The following MYO16 variants were observed in gnomAD, a reference collection of about 807,000 sequenced individuals.
MYO16 encodes myosin XVI, also known as unconventional myosin-XVI.
A neutral mutation model predicts 205.3 loss-of-function variants in MYO16; 94 were observed. The ratio of observed to expected loss-of-function variants is 0.46; its 90% CI spans 0.39 to 0.54. MYO16 has a LOEUF of 0.54. Among genes scored for constraint, MYO16 ranks in the 20% least tolerant of loss-of-function variants. The pLI is 0.00. For synonymous variants in MYO16, 988 were observed against 954.0 expected (o/e 1.04, Z -0.66); for missense variants, 2,315 against 2,387.5 (o/e 0.97, Z 0.63).
At chr13:109,110,456 CT>C (rs879434723) in intron 28 of MYO16, among the ~76,000 whole-genome samples, 14 of 152,146 alleles carry the variant, frequency 9.2e-5, no homozygotes, top group Non-Finnish European at 1.9e-4. Flanking sequence ...TTTTCTTAAA[CT>C]ATAATTATAT....
chr13:108,555,500 A>T, the MYO16 span, among the ~76,000 whole-genome samples: 2 of 152,210 alleles, frequency 1.3e-5, no homozygotes, highest in African/African-American at 4.8e-5. Flanking sequence ...TTTTTCGTTG[A>T]TGAGAAAAGC....
chr13:108,874,690 CATCATCATT>C (rs1361705069), intron 12 of MYO16, among the ~76,000 whole-genome samples: 1,923 of 96,908 alleles, frequency 0.02, 29 homozygotes, highest in African/African-American at 0.056. Flanking sequence ...ACAGTTTCAT[CATCATCATT>C]ATTATTATTA....
intron 6 of MYO16, among the ~76,000 whole-genome samples, chr13:108,798,637 A>G (rs72652131): frequency 1.9e-3 from 275 of 142,988 alleles, no homozygotes; most frequent in Non-Finnish European, 2.7e-3. Flanking sequence ...TTGTTTTATT[A>G]TTTACTGTGT....
intron 33 of MYO16, among the ~76,000 whole-genome samples, chr13:109,175,422 A>G (rs1441913761): frequency 6.6e-6 from 1 of 152,216 alleles, no homozygotes; most frequent in African/African-American, 2.4e-5. Flanking sequence ...CATGGAGATC[A>G]GCTTTGGGGA....
intron 34 of MYO16, among the ~76,000 whole-genome samples, chr13:109,188,341 TCCTCCCC>T (rs1879771155): frequency 6.6e-6 from 1 of 152,196 alleles, no homozygotes. Context: ...ACTTTTTGCC[TCCTCCCC>T]ACAAAAAATT....
chr13:109,155,040 A>G (rs1199149837), intron 32 of MYO16, among the ~76,000 whole-genome samples: 1 of 152,114 alleles, frequency 6.6e-6, no homozygotes, highest in African/African-American at 2.4e-5. Context: ...GTTAAATTTA[A>G]AAGGAAATTG....
At chr13:108,989,298 A>G (rs139428480) in intron 20 of MYO16, among the ~76,000 whole-genome samples, 31 of 152,242 alleles carry the variant, frequency 2.0e-4, no homozygotes, top group African/African-American at 7.2e-4. Context: ...AACATTTCCT[A>G]TGTTTTCATA....
intron 4 of MYO16, among the ~76,000 whole-genome samples, chr13:108,730,454 T>C (rs1336491901): frequency 2.6e-5 from 4 of 152,144 alleles, no homozygotes; most frequent in South Asian, 2.1e-4. Flanking sequence ...CTAACATTTA[T>C]AGTCTAGAGG....
chr13:108,976,121 G>T (rs942193775), intron 20 of MYO16, among the ~76,000 whole-genome samples: 6 of 152,084 alleles, frequency 3.9e-5, no homozygotes, highest in African/African-American at 1.4e-4. Flanking sequence ...AGAGCAATAA[G>T]AAAACATCTA....
intron 4 of MYO16, among the ~76,000 whole-genome samples, chr13:108,772,930 A>G (rs1174219773): frequency 1.3e-5 from 2 of 152,180 alleles, no homozygotes; most frequent in African/African-American, 4.8e-5. Context: ...CTGTTATAAC[A>G]AAACACTATA....
intron 4 of MYO16, among the ~76,000 whole-genome samples, chr13:108,745,029 T>C (rs904865317): frequency 2.6e-5 from 4 of 152,202 alleles, no homozygotes; most frequent in African/African-American, 9.6e-5. Context: ...AAAATAAATC[T>C]GTAAGATTTC....
intron 4 of MYO16, among the ~76,000 whole-genome samples, chr13:108,750,991 T>C (rs953022741): frequency 6.6e-6 from 1 of 152,068 alleles, no homozygotes; most frequent in Non-Finnish European, 1.5e-5. Context: ...GAACTCATGT[T>C]TAGCTTAATA....
chr13:108,516,565 A>G, the MYO16 span, among the ~76,000 whole-genome samples: 2 of 152,240 alleles, frequency 1.3e-5, no homozygotes, highest in Admixed American at 6.5e-5. Flanking sequence ...CACACAGAGA[A>G]AAATGCAGGT....
intron 32 of MYO16, among the ~76,000 whole-genome samples, chr13:109,163,139 A>G (rs927088303): frequency 4.2e-5 from 6 of 142,142 alleles, no homozygotes; most frequent in Admixed American, 2.9e-4. Context: ...TTTCCTGCTC[A>G]TAAATCTTGA....
chr13:108,851,725 G>A (rs1216734340), intron 10 of MYO16, among the ~76,000 whole-genome samples: 1 of 151,912 alleles, frequency 6.6e-6, no homozygotes, highest in Non-Finnish European at 1.5e-5. Flanking sequence ...CCTCTTCCTT[G>A]GGCCACCTTT....
Position 109,068,257 on chromosome 13 carries a change from A to G in MYO16, c.3335+12662A>G, listed in dbSNP as rs143623977. ...CAGAGGGAAACAACTGTTTCTTTGCAAGCAGTTTGTTCACAAGTTTTCTTC... is the reference window on the plus strand; with the variant it reads ...CAGAGGGAAACAACTGTTTCTTTGCGAGCAGTTTGTTCACAAGTTTTCTTC... On this transcript the variant is annotated intron_variant, in intron 27 of 34. Transcript: ENST00000457511. Among the ~76,000 whole-genome samples the G allele has an allele frequency of 9.4e-3, 1,438 of 152,294 alleles. 24 individuals carry two copies. Among genetic ancestry groups the G allele is most frequent in the African/African-American group, 0.032 (1,333 of 41,572 alleles).
intron 20 of MYO16, among the ~76,000 whole-genome samples, chr13:108,975,073 G>A (rs1566441107): frequency 1.3e-5 from 2 of 152,034 alleles, no homozygotes; most frequent in South Asian, 2.1e-4. Flanking sequence ...AGGGTGGGTT[G>A]CCATTACTTC....
chr13:108,799,118 T>C (rs925839450), intron 6 of MYO16, among the ~76,000 whole-genome samples: 2 of 152,248 alleles, frequency 1.3e-5, no homozygotes, highest in Non-Finnish European at 2.9e-5. Context: ...CCCTTAGTTA[T>C]GGATGGAGAC....
intron 23 of MYO16, among the ~76,000 whole-genome samples, chr13:109,021,319 A>C (rs1365207164): frequency 6.6e-6 from 1 of 152,176 alleles, no homozygotes; most frequent in African/African-American, 2.4e-5. Flanking sequence ...CTCTAGCCAA[A>C]TTAAGAAGCT....
Sources: gnomAD v4.1 joint callset for allele counts (sites outside exome capture counted in the v4.1 genomes callset) on GRCh38, gnomAD v4.1.1 for gene constraint, MANE v1.5 for transcripts, NCBI Gene and HGNC (gene_info 2026-07-23, HGNC 2026-07-21) for gene names.